CACNB2: variants seen among roughly 807,000 people sequenced by gnomAD.
CACNB2 encodes calcium voltage-gated channel auxiliary subunit beta 2.
Under a neutral mutation model 73.3 loss-of-function variants are expected in CACNB2, and 42 were observed. The observed-to-expected ratio is 0.57, with a 90% CI of 0.45 to 0.74. The LOEUF is 0.74. Ranked by LOEUF, CACNB2 falls within the 30% of genes least tolerant of loss-of-function variation. The pLI, the probability that CACNB2 is intolerant of heterozygous loss-of-function variation, is 0.00. For synonymous variants in CACNB2, 348 were observed against 310.3 expected (o/e 1.12, Z -1.28); for missense variants, 940 against 853.0 (o/e 1.10, Z -1.27).
chr10:18,220,665 G>T, intron 2 of CACNB2, among the ~76,000 whole-genome samples: 1 of 152,132 alleles, frequency 6.6e-6, no homozygotes, highest in East Asian at 1.9e-4. Flanking sequence ...CCCAGCAGTA[G>T]GTGAGCGCCT....
chr10:18,151,103 C>A, intron 2 of CACNB2, 128 bp downstream of exon 2: 1 of 725,430 alleles, frequency 1.4e-6, no homozygotes, highest in Non-Finnish European at 2.5e-6. Context: ...GAAGTGAAGA[C>A]GGTGCTGTTT....
At position 18,220,214 on chromosome 10, in the gene CACNB2, T is replaced by TAG. The variant is rs1269253603; in HGVS notation, c.213+69240_213+69241insGA. 2.5e-3 allele frequency among the ~76,000 whole-genome samples: 113 copies of TAG among 46,046 alleles called. 7 individuals are homozygous for TAG. Among genetic ancestry groups the TAG allele is most frequent in the African/African-American group, 0.015 (80 of 5,222 alleles). 30.2% of individuals were successfully genotyped at this position (46,046 alleles called of 152,430 possible). Reference sequence around the variant, plus strand: ...ATATATGTGTGTGTATATATATATATATATATATATATATATATAGAGAGA... The same window carrying TAG: ...ATATATGTGTGTGTATATATATATATAGATATATATATATATATATAGAGAGA... On this transcript the variant is annotated intron_variant, in intron 2 of 13. Transcript: ENST00000324631.
intron 5 of CACNB2, among the ~76,000 whole-genome samples, chr10:18,502,021 A>C (rs1198571093): frequency 6.6e-6 from 1 of 152,236 alleles, no homozygotes; most frequent in Non-Finnish European, 1.5e-5. Flanking sequence ...AAAAAGAACA[A>C]AGATTGGCCG....
intron 2 of CACNB2, among the ~76,000 whole-genome samples, chr10:18,337,886 T>A (rs2041070142): frequency 6.6e-6 from 1 of 152,184 alleles, no homozygotes; most frequent in African/African-American, 2.4e-5. Context: ...CACAGTGAAA[T>A]GAAACTGGAT....
chr10:18,380,452 CTT>C (rs757792853), intron 2 of CACNB2, among the ~76,000 whole-genome samples: 3 of 111,020 alleles, frequency 2.7e-5, no homozygotes, highest in African/African-American at 3.4e-5. Context: ...ATGTGTTTTT[CTT>C]TTTTTTTTTT....
At chr10:18,292,803 T>C (rs1374164620) in intron 2 of CACNB2, among the ~76,000 whole-genome samples, 1 of 152,244 alleles carries the variant, frequency 6.6e-6, no homozygotes, top group Non-Finnish European at 1.5e-5. Flanking sequence ...TTAAGTGAGC[T>C]TGATACATTA....
At chr10:18,376,650 T>C (rs2042808736) in intron 2 of CACNB2, among the ~76,000 whole-genome samples, 1 of 152,166 alleles carries the variant, frequency 6.6e-6, no homozygotes, top group Non-Finnish European at 1.5e-5. Flanking sequence ...AGAATGTTTC[T>C]GTGTGAGGGA....
chr10:18,455,584 T>C (rs759643588), intron 3 of CACNB2, among the ~76,000 whole-genome samples: 3 of 152,190 alleles, frequency 2.0e-5, no homozygotes, highest in Non-Finnish European at 4.4e-5. Context: ...AAAATGCTGG[T>C]GAAGGAGTTT....
At chr10:18,451,891 T>C (rs1179416575) in intron 3 of CACNB2, among the ~76,000 whole-genome samples, 2 of 152,244 alleles carry the variant, frequency 1.3e-5, no homozygotes, top group Non-Finnish European at 2.9e-5. Context: ...CTATTTATGA[T>C]GCTGTTATGT....
rs557885510 is a variant in CACNB2 at position 18,534,948 on chromosome 10, G to T, written c.1206+721G>T. On this transcript the variant is annotated intron_variant, in intron 11 of 13. Coordinates refer to ENST00000324631, the MANE Select transcript of CACNB2 (RefSeq NM_201596.3). ...CACTTAAAGGAGAACAGCATGTGTTGCCAATGATAAAACTCAAGCTTTCAG... is the reference window on the plus strand; with the variant it reads ...CACTTAAAGGAGAACAGCATGTGTTTCCAATGATAAAACTCAAGCTTTCAG... Among the ~76,000 whole-genome samples the T allele has an allele frequency of 9.9e-5, 15 of 152,268 alleles. No homozygotes were observed. In the South Asian group the frequency reaches 2.9e-3, roughly 29 times the overall value.
chr10:18,432,244 A>G (rs1465481816), intron 3 of CACNB2, among the ~76,000 whole-genome samples: 1 of 152,202 alleles, frequency 6.6e-6, no homozygotes, highest in African/African-American at 2.4e-5. Flanking sequence ...CATATATTCT[A>G]TTTGAAGTAA....
chr10:18,443,668 C>T (rs1434089264), intron 3 of CACNB2, among the ~76,000 whole-genome samples: 3 of 151,750 alleles, frequency 2.0e-5, no homozygotes, highest in African/African-American at 4.8e-5. Flanking sequence ...AGCCTTCTGT[C>T]CTTATCCAGG....
intron 3 of CACNB2, among the ~76,000 whole-genome samples, chr10:18,481,203 TATATATATATA>T (rs2048712773): frequency 6.4e-5 from 1 of 15,582 alleles, no homozygotes; most frequent in Non-Finnish European, 1.2e-4. Flanking sequence ...TATATATATA[TATATATATATA>T]TATATATATA....
intron 2 of CACNB2, among the ~76,000 whole-genome samples, chr10:18,229,531 T>C (rs1048130944): frequency 6.6e-6 from 1 of 152,222 alleles, no homozygotes; most frequent in African/African-American, 2.4e-5. Context: ...TGGTAAGATA[T>C]GAAAATCATT....
At chr10:18,423,002 C>T (rs1304121540) in intron 3 of CACNB2, among the ~76,000 whole-genome samples, 4 of 152,160 alleles carry the variant, frequency 2.6e-5, no homozygotes, top group Admixed American at 6.5e-5. Context: ...CTGGCCAACA[C>T]TTAAAATTTA....
chr10:18,182,666 C>T (rs1182119463), intron 2 of CACNB2, among the ~76,000 whole-genome samples: 3 of 151,694 alleles, frequency 2.0e-5, no homozygotes, highest in Non-Finnish European at 4.4e-5. Flanking sequence ...TACTAAAATA[C>T]AAAAGATTAG....
intron 5 of CACNB2, 115 bp downstream of exon 5, chr10:18,501,063 T>C (rs992512892): frequency 1.7e-5 from 18 of 1,042,708 alleles, no homozygotes; most frequent in Non-Finnish European, 2.3e-5. Flanking sequence ...GCTGGTAATA[T>C]GGTTTATTGA....
chr10:18,542,032 A>C lies in CACNB2; in HGVS notation c.*2308A>C, dbSNP rs1221131668. On this transcript the variant is annotated 3_prime_UTR_variant, in exon 14 of 14. Coordinates refer to ENST00000324631, the MANE Select transcript of CACNB2 (RefSeq NM_201596.3). The stretch of plus-strand genomic sequence containing the variant: ...TTTCCCTTACCCCCAAGAAAACGCA[A>C]TATTAAAAATGATTAAGCTGGGGTG... The C allele has an allele frequency of 6.6e-6, 1 of 151,834 alleles. No individual in the cohort carries two copies. The highest frequency in any genetic ancestry group is 2.1e-4 in the South Asian group (1 of 4,800). 9.4% of individuals were successfully genotyped at this position (151,834 alleles called of 1,614,324 possible).
At chr10:18,340,050 T>C (rs2041168092) in intron 2 of CACNB2, among the ~76,000 whole-genome samples, 1 of 152,210 alleles carries the variant, frequency 6.6e-6, no homozygotes, top group South Asian at 2.1e-4. Flanking sequence ...ACCACTAGAA[T>C]TTTATCTCCT....
Sources: gnomAD v4.1 joint callset for allele counts (sites outside exome capture counted in the v4.1 genomes callset) on GRCh38, gnomAD v4.1.1 for gene constraint, MANE v1.5 for transcripts, NCBI Gene and HGNC (gene_info 2026-07-23, HGNC 2026-07-21) for gene names.